CCDC30: variants seen among roughly 807,000 people sequenced by gnomAD.
The protein encoded by CCDC30 is coiled-coil domain-containing protein 30.
In CCDC30, 70 loss-of-function variants were observed where a neutral mutation model predicts 100.2. The observed-to-expected ratio is 0.70, with a 90% CI of 0.58 to 0.85. The LOEUF (loss-of-function observed/expected upper bound fraction) is 0.85, where lower values mean the gene tolerates loss of function less well. Ranked by LOEUF, CCDC30 falls within the 40% of genes least tolerant of loss-of-function variation. CCDC30 has a pLI of 0.00. For synonymous variants in CCDC30, 233 were observed against 269.5 expected (o/e 0.86, Z 1.33); for missense variants, 652 against 771.2 (o/e 0.85, Z 1.83).
chr1:42,462,573 G>T (rs1436947975), upstream of CCDC30, among the ~76,000 whole-genome samples: 2 of 152,122 alleles, frequency 1.3e-5, no homozygotes, highest in Non-Finnish European at 2.9e-5. Context: ...GTTGTGTTTG[G>T]GATACCAGCA....
chr1:42,596,524 T>A lies in CCDC30; in HGVS notation c.1164+7041T>A, dbSNP rs1441092966. Among the ~76,000 whole-genome samples the A allele has an allele frequency of 6.7e-6, 1 of 149,632 alleles. No individual in the cohort carries two copies. The highest frequency in any genetic ancestry group is 2.5e-5 in the African/African-American group (1 of 40,468). On this transcript the variant is annotated intron_variant, in intron 10 of 16. Transcript: ENST00000668663. The surrounding 1 kb of genome is among the most constrained non-coding windows in gnomAD (Gnocchi z 4.3). Reference sequence around the variant, plus strand: ...TCTCGTCCCACAAAAGGGAGGTGGGTGGAGAAAAAAAAAACTAGCACGTGT... The same window carrying A: ...TCTCGTCCCACAAAAGGGAGGTGGGAGGAGAAAAAAAAAACTAGCACGTGT...
chr1:42,471,685 C>T (rs58903071), intron 1 of CCDC30, among the ~76,000 whole-genome samples: 2,181 of 151,922 alleles, frequency 0.014, 52 homozygotes, highest in African/African-American at 0.05. Flanking sequence ...TGAAGGAGGT[C>T]GGGGGAACAG....
At chr1:42,502,622 T>C (rs1036782256) in intron 6 of CCDC30, among the ~76,000 whole-genome samples, 2 of 152,174 alleles carry the variant, frequency 1.3e-5, no homozygotes, top group Non-Finnish European at 2.9e-5. Context: ...CGTGAATTCT[T>C]GTCAGGAAAT....
intron 7 of CCDC30, 110 bp downstream of exon 11, chr1:42,566,585 A>AT: frequency 2.3e-6 from 2 of 857,342 alleles, no homozygotes; most frequent in Non-Finnish European, 3.6e-6. Context: ...AAATATGTGG[A>AT]CAATGTGAGC....
intron 11 of CCDC30, among the ~76,000 whole-genome samples, chr1:42,632,650 C>T (rs929134857): frequency 6.6e-5 from 10 of 151,334 alleles, no homozygotes; most frequent in African/African-American, 2.4e-4. Context: ...ATCCCAGCTA[C>T]TTGGGAGGCT....
downstream of CCDC30, among the ~76,000 whole-genome samples, chr1:42,656,726 C>T (rs1648676459): frequency 6.6e-6 from 1 of 152,172 alleles, no homozygotes; most frequent in African/African-American, 2.4e-5. Context: ...CCTTGAGCCT[C>T]AATTTCTTGA....
chr1:42,577,455 A>G (rs1476960218), intron 8 of CCDC30, among the ~76,000 whole-genome samples: 1 of 151,996 alleles, frequency 6.6e-6, no homozygotes, highest in East Asian at 1.9e-4. Flanking sequence ...GTTTTATTAA[A>G]GCGATAACAT....
intron 11 of CCDC30, among the ~76,000 whole-genome samples, chr1:42,629,123 CTT>C (rs1646986416): frequency 6.6e-6 from 1 of 152,166 alleles, no homozygotes; most frequent in African/African-American, 2.4e-5. Context: ...ACCAGTGAGT[CTT>C]ATACCTTCAG....
At chr1:42,539,939 G>A (rs2148525544) in intron 6 of CCDC30, among the ~76,000 whole-genome samples, 1 of 151,288 alleles carries the variant, frequency 6.6e-6, no homozygotes, top group South Asian at 2.1e-4. Context: ...AAAAAGAAAA[G>A]GCTACCTGGC....
At chr1:42,494,393 A>T (rs562967641) in intron 4 of CCDC30, among the ~76,000 whole-genome samples, 254 of 152,338 alleles carry the variant, frequency 1.7e-3, no homozygotes, top group African/African-American at 4.9e-3. Context: ...ACCTAAAACC[A>T]TAAAAACCCT....
At chr1:42,501,287 TCCTTATGGATTAAGGTTGGTG>T (rs1178310414) in intron 6 of CCDC30, among the ~76,000 whole-genome samples, 1 of 152,246 alleles carries the variant, frequency 6.6e-6, no homozygotes, top group Non-Finnish European at 1.5e-5. Flanking sequence ...AAGAGTTATT[TCCTTATGGATTAAGGTTGGTG>T]CCTTTATTAA....
At position 42,560,923 on chromosome 1, in the gene CCDC30, G is replaced by A. The variant is rs1010631385; in HGVS notation, c.457-5373G>A. Among the ~76,000 whole-genome samples the A allele has an allele frequency of 2.0e-5, 3 of 152,274 alleles. No homozygotes were observed. In the South Asian group the frequency reaches 6.2e-4, roughly 32 times the overall value. On this transcript the variant is annotated intron_variant, in intron 6 of 16. Transcript: ENST00000668663. ...TAAACCAGGAAGAAGTTGAATCCCT[G>A]AATAGACCAGTAACAAGCTCTGAAA...
intron 6 of CCDC30, among the ~76,000 whole-genome samples, chr1:42,559,419 C>G (rs1189590474): frequency 6.6e-6 from 1 of 152,024 alleles, no homozygotes; most frequent in South Asian, 2.1e-4. Flanking sequence ...CAAAGACACA[C>G]ACAGGCTCAA....
At position 42,489,640 on chromosome 1, in the gene CCDC30, T is replaced by C. The variant is rs1286657890; in HGVS notation, c.170-518T>C. 2.6e-5 allele frequency among the ~76,000 whole-genome samples: 4 copies of C among 152,262 alleles called. No individual in the cohort carries two copies. In the East Asian group the frequency reaches 7.7e-4, roughly 29 times the overall value. On this transcript the variant is annotated intron_variant, in intron 3 of 16. Coordinates refer to ENST00000668663, the Ensembl canonical transcript of CCDC30. ...GGAGACAAAGGGATAAAACCTGAAG[T>C]AGAGAGCCCAAATCCAATAGTCTTC...
rs190078452 is a variant in CCDC30, at chr1:42,566,245, C to A, written c.457-51C>A. On this transcript the variant is annotated intron_variant, in intron 6 of 16. Coordinates refer to ENST00000668663, the Ensembl canonical transcript of CCDC30. ...TCTGACAACTTGAACCCATGTTTTA[C>A]CAATATTCTTTCCAATTGTCTGTGT... The A allele has an allele frequency of 4.2e-6, 6 of 1,416,614 alleles. No individual in the cohort carries two copies. The Admixed American group carries it at 1.1e-4, about 26-fold the overall frequency. The allele number at this position is 1,416,614 out of a possible 1,614,324, so 87.8% of individuals were successfully genotyped here.
At chr1:42,598,190 C>T (rs938874613) in intron 10 of CCDC30, among the ~76,000 whole-genome samples, 1 of 151,140 alleles carries the variant, frequency 6.6e-6, no homozygotes, top group Non-Finnish European at 1.5e-5. Flanking sequence ...AAATTACCAA[C>T]CTAGAATTCT....
At chr1:42,549,925 G>T (rs1557845793) in intron 6 of CCDC30, among the ~76,000 whole-genome samples, 2 of 152,138 alleles carry the variant, frequency 1.3e-5, no homozygotes. Context: ...CTATTTCATT[G>T]CATCGTTTCT....
chr1:42,510,225 T>C, intron 6 of CCDC30: 1 of 639,988 alleles, frequency 1.6e-6, no homozygotes, highest in Non-Finnish European at 1.9e-6. Flanking sequence ...TTTTCTCTTT[T>C]CCTTTTGACC....
chr1:42,626,233 T>G (rs1239228828), intron 11 of CCDC30, among the ~76,000 whole-genome samples: 2 of 152,188 alleles, frequency 1.3e-5, no homozygotes, highest in Non-Finnish European at 2.9e-5. Flanking sequence ...TTGTTTCCAG[T>G]CTATTTGTAT....
Sources: gnomAD v4.1 joint callset for allele counts (sites outside exome capture counted in the v4.1 genomes callset) on GRCh38, gnomAD v4.1.1 for gene constraint, Gnocchi (gnomAD v3.1) non-coding constraint, MANE v1.5 for transcripts, NCBI Gene and HGNC (gene_info 2026-07-23, HGNC 2026-07-21) for gene names.